Variants in COL24A1 observed in about 807,000 individuals in gnomAD.
COL24A1 encodes collagen type XXIV alpha 1 chain.
A neutral mutation model predicts 253.9 loss-of-function variants in COL24A1; 224 were observed. The ratio of observed to expected loss-of-function variants is 0.88; its 90% confidence interval spans 0.79 to 0.99. The LOEUF is 0.99. Ranked by LOEUF, COL24A1 falls within the 50% of genes least tolerant of loss-of-function variation. COL24A1 has a pLI of 0.00. For synonymous variants in COL24A1, 685 were observed against 673.7 expected (o/e 1.02, Z -0.26); for missense variants, 2,131 against 2,068.5 (o/e 1.03, Z -0.59).
rs866521486 is a variant in COL24A1 at position 85,771,258 on chromosome 1, C to T, written c.4374+4416G>A. On this transcript the variant is annotated intron_variant, in intron 53 of 59. Transcript: ENST00000370571. ...CTAATGTTATCCCTCACCTAGCCTC[C>T]GACCCCCGACAGGCCCCGGTGTGTG... Among the ~76,000 whole-genome samples the T allele has an allele frequency of 2.2e-4, 34 of 152,078 alleles. 1 individual carries two copies. Among genetic ancestry groups the T allele is most frequent in the South Asian group, 1.3e-3 (6 of 4,792 alleles).
chr1:86,127,742 G>T (rs1454512793), intron 2 of COL24A1, among the ~76,000 whole-genome samples: 1 of 151,940 alleles, frequency 6.6e-6, no homozygotes, highest in Non-Finnish European at 1.5e-5. Flanking sequence ...TCCTTTTGTA[G>T]GAAATTAGTA....
chr1:85,901,959 T>C (rs981960635), intron 28 of COL24A1, among the ~76,000 whole-genome samples: 1 of 150,546 alleles, frequency 6.6e-6, no homozygotes, highest in Admixed American at 6.6e-5. Flanking sequence ...CTATTCACAA[T>C]AGCAAAGATA....
intron 32 of COL24A1, among the ~76,000 whole-genome samples, chr1:85,889,249 C>G (rs540877504): frequency 6.6e-6 from 1 of 152,016 alleles, no homozygotes; most frequent in South Asian, 2.1e-4. Flanking sequence ...TGTGTGGCAA[C>G]ATAATAATTA....
At chr1:85,862,134 T>G (rs1679224136) in intron 37 of COL24A1, among the ~76,000 whole-genome samples, 1 of 152,194 alleles carries the variant, frequency 6.6e-6, no homozygotes, top group Admixed American at 6.5e-5. Context: ...TTAGTATGTT[T>G]ATTTCCATTA....
intron 37 of COL24A1, among the ~76,000 whole-genome samples, chr1:85,862,548 A>G (rs1465085116): frequency 6.6e-6 from 1 of 152,184 alleles, no homozygotes; most frequent in Non-Finnish European, 1.5e-5. Flanking sequence ...AGTTCTGCAT[A>G]GCTCCAACCC....
At position 85,896,076 on chromosome 1, in the gene COL24A1, A is replaced by G. The variant is rs1469877020; in HGVS notation, c.2833-11T>C. ...ATCTCCTTTTTCACCCTAACAAAGT[A>G]TCAAAGCCAGGTGAGTTAGTAAGAA... On this transcript the variant is annotated splice_polypyrimidine_tract_variant and intron_variant, in intron 29 of 59. Coordinates refer to ENST00000370571, the MANE Select transcript of COL24A1 (RefSeq NM_152890.7). The G allele has an allele frequency of 6.2e-7, 1 of 1,612,586 alleles. No homozygotes were observed. The highest frequency in any genetic ancestry group is 1.3e-5 in the African/African-American group (1 of 74,832).
Position 86,146,203 on chromosome 1 carries a change from T to G in COL24A1, c.57-20A>C. 1.2e-6 allele frequency: 2 copies of G among 1,603,508 alleles called. No individual in the cohort carries two copies. Among genetic ancestry groups the G allele is most frequent in the Non-Finnish European group, 1.7e-6 (2 of 1,174,188 alleles). The stretch of plus-strand genomic sequence containing the variant: ...GATTTCCTAGGAAAAGAAAAAAGCA[T>G]TTGGGAAAAACTTACTAGTTGGACA... On this transcript the variant is annotated intron_variant, in intron 1 of 59. Coordinates refer to ENST00000370571, the MANE Select transcript of COL24A1 (RefSeq NM_152890.7).
At chr1:85,771,983 T>A (rs1322138633) in intron 53 of COL24A1, among the ~76,000 whole-genome samples, 2 of 141,010 alleles carry the variant, frequency 1.4e-5, no homozygotes, top group Admixed American at 7.4e-5. Flanking sequence ...CAGAGTGTGA[T>A]ATTCCCCTTC....
chr1:86,140,751 C>A lies in COL24A1; in HGVS notation c.121+5368G>T, dbSNP rs964736970. ...CTCACTGGCAGCCATCCCACCAACA[C>A]AGACAAAGTAATAACAAAAATACAC... is the stretch of plus-strand genomic sequence containing the variant. On this transcript the variant is annotated intron_variant, in intron 2 of 59. Coordinates refer to ENST00000370571, the MANE Select transcript of COL24A1 (RefSeq NM_152890.7). Among the ~76,000 whole-genome samples, 5 of 152,300 alleles carry A rather than the reference C, an allele frequency of 3.3e-5. No individual in the cohort carries two copies. In the East Asian group the frequency reaches 9.6e-4, roughly 29 times the overall value.
rs772334185 is a variant in COL24A1, at chr1:86,156,353, G to A, written c.44C>T (p.Pro15Leu). 3.1e-6 allele frequency: 5 copies of A among 1,612,798 alleles called. No individual in the cohort carries two copies. In the East Asian group the frequency reaches 1.1e-4, roughly 36 times the overall value. Residue 15 changes from proline to leucine, a missense_variant, in exon 1 of 60, where the codon CCC (proline) becomes CTC (leucine). Pro to Leu is a moderately conservative substitution (Grantham distance 98). Coordinates refer to ENST00000370571, the MANE Select transcript of COL24A1 (RefSeq NM_152890.7). Reference protein sequence around the residue: ...AHRTRRGKVSPTAKTKSLLHF... With the variant: ...AHRTRRGKVSLTAKTKSLLHF... ...GTGGGCTACTTACGTTTTTGCCGTG[G>A]GGGAGACTTTTCCACGCCTTGTTCT... is the stretch of plus-strand genomic sequence containing the variant.
Position 86,151,118 on chromosome 1 carries a change from C to CAT in COL24A1, c.57-4937_57-4936dup, listed in dbSNP as rs892995658. Among the ~76,000 whole-genome samples, 29 of 151,564 alleles carry CAT rather than the reference C, an allele frequency of 1.9e-4. No homozygotes were observed. In the East Asian group the frequency reaches 5.0e-3, roughly 26 times the overall value. ...GTGTGTGTGTGTGTGTATACACATA[C>CAT]ATATATATAAAGCGTTTGTTATTTA... On this transcript the variant is annotated intron_variant, in intron 1 of 59. Coordinates refer to ENST00000370571, the MANE Select transcript of COL24A1 (RefSeq NM_152890.7).
intron 47 of COL24A1, among the ~76,000 whole-genome samples, chr1:85,801,725 A>G (rs1671452131): frequency 6.6e-6 from 1 of 152,246 alleles, no homozygotes; most frequent in Non-Finnish European, 1.5e-5. Flanking sequence ...TGACTAAAGC[A>G]TGCATGTGCT....
chr1:86,069,338 AGTG>A (rs1032906087), intron 7 of COL24A1, among the ~76,000 whole-genome samples: 4 of 152,144 alleles, frequency 2.6e-5, no homozygotes, highest in Admixed American at 6.5e-5. Flanking sequence ...CCCATGGACT[AGTG>A]GTGGTGGCCA....
intron 24 of COL24A1, among the ~76,000 whole-genome samples, chr1:85,942,209 G>C (rs1688818162): frequency 6.6e-6 from 1 of 152,144 alleles, no homozygotes; most frequent in Non-Finnish European, 1.5e-5. Flanking sequence ...CCATTTGATA[G>C]ACACATATGA....
chr1:86,116,463 T>A (rs949839979), intron 3 of COL24A1, among the ~76,000 whole-genome samples: 7 of 152,212 alleles, frequency 4.6e-5, no homozygotes, highest in Non-Finnish European at 7.4e-5. Flanking sequence ...GACAGTTTTT[T>A]AACCTACAAT....
intron 39 of COL24A1, among the ~76,000 whole-genome samples, chr1:85,847,295 C>T (rs1322548103): frequency 6.6e-6 from 1 of 152,058 alleles, no homozygotes; most frequent in Non-Finnish European, 1.5e-5. Flanking sequence ...TTCAAGTAAA[C>T]CTAATTTTCA....
intron 24 of COL24A1, among the ~76,000 whole-genome samples, chr1:85,921,541 G>A (rs1686494340): frequency 6.6e-6 from 1 of 152,194 alleles, no homozygotes; most frequent in Non-Finnish European, 1.5e-5. Flanking sequence ...ATGGTCTGGA[G>A]TGGACCTCCA....
intron 58 of COL24A1, chr1:85,736,085 C>T (rs1664018029): frequency 3.8e-6 from 1 of 263,950 alleles, no homozygotes; most frequent in Non-Finnish European, 7.6e-6. Flanking sequence ...TCAGTAAATT[C>T]GGGTATAACA....
Position 86,125,735 on chromosome 1 carries a change from T to TA in COL24A1, c.600dup (p.Ser201Ter). ...TTCATACTTCCTAAAGTAAACACAC[T>TA]ATTAGAATCAAAGGTCTGAACTTCT... On this transcript the variant is annotated frameshift_variant, in exon 3 of 60. Coordinates refer to ENST00000370571, the MANE Select transcript of COL24A1 (RefSeq NM_152890.7). LOFTEE classifies it high-confidence loss of function. 1 of 1,611,184 alleles carries TA rather than the reference T, an allele frequency of 6.2e-7. No individual in the cohort carries two copies. Among genetic ancestry groups the TA allele is most frequent in the Non-Finnish European group, 8.5e-7 (1 of 1,178,706 alleles).
Sources: gnomAD v4.1 joint callset for allele counts (sites outside exome capture counted in the v4.1 genomes callset) on GRCh38, gnomAD v4.1.1 for gene constraint, MANE v1.5 for transcripts, NCBI Gene and HGNC (gene_info 2026-07-23, HGNC 2026-07-21) for gene names.